ABCC8: variants seen among roughly 807,000 people sequenced by gnomAD.
ABCC8 encodes the protein ATP-binding cassette sub-family C member 8.
ABCC8 carries 137 observed loss-of-function variants against 188.0 expected under a neutral mutation model. The observed-to-expected ratio is 0.73, with a 90% CI of 0.63 to 0.84. ABCC8 has a LOEUF of 0.84. Ranked by LOEUF, ABCC8 falls within the 40% of genes least tolerant of loss-of-function variation. ABCC8 has a pLI of 0.00. For missense variants in ABCC8, 1,750 were observed against 2,072.7 expected (o/e 0.84, Z 3.02); for synonymous variants, 797 against 846.5 (o/e 0.94, Z 1.01).
chr11:17,416,845 G>T, intron 17 of ABCC8, 85 bp downstream of exon 17: 1 of 1,557,908 alleles, frequency 6.4e-7, no homozygotes, highest in Non-Finnish European at 8.8e-7. Context: ...TCCATACTCA[G>T]CATTACCCAC....
chr11:17,421,560 GAGAC>G (rs1955344999), intron 16 of ABCC8, among the ~76,000 whole-genome samples: 1 of 152,308 alleles, frequency 6.6e-6, no homozygotes, highest in Admixed American at 6.5e-5. Context: ...TCTTTCCCAG[GAGAC>G]AGACTGGAGG....
intron 3 of ABCC8, among the ~76,000 whole-genome samples, chr11:17,465,227 C>T (rs566699679): frequency 9.2e-5 from 14 of 152,378 alleles, no homozygotes; most frequent in African/African-American, 2.4e-4. Flanking sequence ...CCACTCCACT[C>T]TGCCGGACAG....
chr11:17,431,109 C>T, intron 11 of ABCC8, 150 bp from the exon 12 acceptor site: 1 of 1,272,372 alleles, frequency 7.9e-7, no homozygotes, highest in Non-Finnish European at 1.1e-6. Context: ...TTCATCATCC[C>T]CACAGTCATC....
At position 17,476,828 on chromosome 11, in the gene ABCC8, C is replaced by T. The variant is rs772836647; in HGVS notation, c.-52G>A. The T allele has an allele frequency of 6.3e-6, 9 of 1,436,042 alleles. No individual in the cohort carries two copies. The East Asian group carries it at 2.0e-4, about 32-fold the overall frequency. The allele number at this position is 1,436,042 out of a possible 1,614,324, so 89.0% of individuals were successfully genotyped here. On this transcript the variant is annotated 5_prime_UTR_variant, in exon 1 of 39. Coordinates refer to ENST00000389817, the MANE Select transcript of ABCC8 (RefSeq NM_000352.6). Reference sequence around the variant, plus strand: ...GGCTCAGCTGGCTCCGCTGGCTCCGCGCGCCTGCCGCGCCTCTGTCCCTTG... The same window carrying T: ...GGCTCAGCTGGCTCCGCTGGCTCCGTGCGCCTGCCGCGCCTCTGTCCCTTG...
chr11:17,459,228 G>A (rs1343399363), intron 6 of ABCC8, among the ~76,000 whole-genome samples: 4 of 152,306 alleles, frequency 2.6e-5, no homozygotes, highest in African/African-American at 4.8e-5. Flanking sequence ...ATATACTCAC[G>A]CCAAAGGATA....
Position 17,414,549 on chromosome 11 carries a change from C to T in ABCC8, c.2353G>A (p.Glu785Lys). 6.2e-7 allele frequency: 1 copy of T among 1,614,238 alleles called. No homozygotes were observed. The highest frequency in any genetic ancestry group is 8.5e-7 in the Non-Finnish European group (1 of 1,180,050). The change falls in exon 19 of 39, where the codon GAG becomes AAG. Residue 785 changes from glutamate to lysine, a missense_variant. Transcript: ENST00000389817. Reference protein sequence around the residue: ...KPWLLNATVEENIIFESPFNK... With the variant: ...KPWLLNATVEKNIIFESPFNK... Reference sequence around the variant, plus strand: ...AAGGGACTCTCAAAGATGATGTTCTCCTCCACAGTGGCATTTAGCAGCCAT... The same window carrying T: ...AAGGGACTCTCAAAGATGATGTTCTTCTCCACAGTGGCATTTAGCAGCCAT...
Position 17,435,988 on chromosome 11 carries a change from A to G in ABCC8, c.1631-3744T>C, listed in dbSNP as rs1956078872. ...GCCACGGTGGCAGATGGACATCGCC[A>G]TGGGAAGAGACCAACTGTAGATAGT... On this transcript the variant is annotated intron_variant, in intron 10 of 38. Coordinates refer to ENST00000389817, the MANE Select transcript of ABCC8 (RefSeq NM_000352.6). The G allele has an allele frequency of 3.2e-6, 5 of 1,573,858 alleles. No individual in the cohort carries two copies. The South Asian group carries it at 3.3e-5, about 10-fold the overall frequency.
intron 3 of ABCC8, 152 bp from the exon 4 acceptor site, chr11:17,463,756 A>T (rs1847977572): frequency 1.1e-6 from 1 of 916,124 alleles, no homozygotes; most frequent in East Asian, 2.7e-5. Context: ...GTGTGAATAT[A>T]TCAGAGTACA....
At chr11:17,417,071 C>G (rs1955115490) in intron 16 of ABCC8, 109 bp from the exon 17 acceptor site, 19 of 1,573,694 alleles carry the variant, frequency 1.2e-5, no homozygotes, top group Non-Finnish European at 1.1e-5. Context: ...AACCCTCCCA[C>G]CCATTCCCAG....
chr11:17,435,755 G>T, intron 10 of ABCC8: 1 of 1,347,144 alleles, frequency 7.4e-7, no homozygotes, highest in Non-Finnish European at 1.1e-6. Flanking sequence ...GGAATCTTCA[G>T]GCCTTTTCCT....
intron 10 of ABCC8, chr11:17,435,642 T>C: frequency 7.1e-7 from 1 of 1,401,600 alleles, no homozygotes. Context: ...TAATAATGTG[T>C]AGGAAGATGA....
At chr11:17,412,968 T>C in intron 20 of ABCC8, 2 of 963,782 alleles carry the variant, frequency 2.1e-6, no homozygotes, top group East Asian at 5.4e-5. Context: ...GTGTAGGCGC[T>C]AGGGACCATC....
intron 19 of ABCC8, among the ~76,000 whole-genome samples, chr11:17,413,726 G>C (rs983190398): frequency 1.3e-5 from 2 of 152,238 alleles, no homozygotes; most frequent in Non-Finnish European, 2.9e-5. Flanking sequence ...TGCAGAGTAA[G>C]TGATGAAAGG....
intron 21 of ABCC8, 68 bp from the exon 22 acceptor site, chr11:17,410,721 T>C: frequency 6.2e-7 from 1 of 1,604,298 alleles, no homozygotes; most frequent in Admixed American, 1.7e-5. Context: ...TGACAATGAG[T>C]ATAAAACCCA....
Position 17,414,606 on chromosome 11 carries a change from T to G in ABCC8, c.2296A>C (p.Arg766=), listed in dbSNP as rs777143985. ...TGCGAAGCATAGGCCACGGGGCCTC[T>G]CTTCCTGGAAAAAGCAGGGCGGGAG... is the stretch of plus-strand genomic sequence containing the variant. ...ETATDLDIRK[R]GPVAYASQKP... is the part of the protein sequence containing the mutation. The change falls in exon 19 of 39, where the codon AGA becomes CGA. Residue 766 remains arginine, a synonymous_variant. Transcript: ENST00000389817. The G allele has an allele frequency of 1.2e-6, 2 of 1,614,206 alleles. No individual in the cohort carries two copies. The highest frequency in any genetic ancestry group is 2.2e-5 in the East Asian group (1 of 44,890).
chr11:17,450,306 CTT>C (rs1175602646), intron 7 of ABCC8, among the ~76,000 whole-genome samples: 1 of 130,232 alleles, frequency 7.7e-6, no homozygotes, highest in African/African-American at 3.3e-5. Flanking sequence ...TTCTTTCTTT[CTT>C]TCTTTCTTTC....
At chr11:17,425,013 C>T (rs1386719393) in intron 16 of ABCC8, among the ~76,000 whole-genome samples, 1 of 152,210 alleles carries the variant, frequency 6.6e-6, no homozygotes, top group Non-Finnish European at 1.5e-5. Context: ...TTCTTCAGCT[C>T]ACAGTGCACT....
At chr11:17,407,205 A>G in intron 24 of ABCC8, 76 bp from the exon 25 acceptor site, 2 of 1,601,788 alleles carry the variant, frequency 1.2e-6, no homozygotes, top group Middle Eastern at 2.1e-4. Flanking sequence ...TTTTATCCCC[A>G]CTTACTGAGG....
chr11:17,398,082 C>T (rs1564880035), intron 30 of ABCC8, among the ~76,000 whole-genome samples: 1 of 152,196 alleles, frequency 6.6e-6, no homozygotes, highest in Non-Finnish European at 1.5e-5. Context: ...GTCATATGAC[C>T]CACTGCAGAT....
Sources: allele counts gnomAD v4.1 joint callset (sites outside exome capture counted in the v4.1 genomes callset), GRCh38; gene constraint gnomAD v4.1.1; transcripts MANE v1.5; gene names NCBI Gene and HGNC (gene_info 2026-07-23, HGNC 2026-07-21).